Variants in PTPRJ observed in about 807,000 individuals in gnomAD.
PTPRJ encodes protein tyrosine phosphatase receptor type J.
PTPRJ carries 129 observed loss-of-function variants against 141.3 expected under a neutral mutation model. That is an observed-to-expected ratio of 0.91 (90% CI 0.79 to 1.06). The LOEUF is 1.06. PTPRJ is among the 50% of genes least tolerant of loss of function. The pLI is 0.00. For missense variants in PTPRJ, 1,601 were observed against 1,679.7 expected (o/e 0.95, Z 0.82); for synonymous variants, 610 against 640.5 (o/e 0.95, Z 0.72).
At chr11:48,159,410 A>G (rs1479293924) in intron 21 of PTPRJ, among the ~76,000 whole-genome samples, 1 of 152,020 alleles carries the variant, frequency 6.6e-6, no homozygotes, top group Non-Finnish European at 1.5e-5. Context: ...TGTGGTGGCT[A>G]CTCTAGGGGC....
intron 1 of PTPRJ, among the ~76,000 whole-genome samples, chr11:47,981,271 G>A (rs946767285): frequency 1.3e-5 from 2 of 152,294 alleles, no homozygotes; most frequent in East Asian, 3.9e-4. Context: ...AAGCCTCCGC[G>A]CGGGCTCCAG....
chr11:48,075,148 G>C (rs915254359), intron 1 of PTPRJ, among the ~76,000 whole-genome samples: 1 of 144,128 alleles, frequency 6.9e-6, no homozygotes, highest in Non-Finnish European at 1.5e-5. Context: ...TAGTTAGTTA[G>C]TTAGTTAGTT....
At chr11:48,066,553 C>CATA (rs1855086430) in intron 1 of PTPRJ, among the ~76,000 whole-genome samples, 3 of 117,152 alleles carry the variant, frequency 2.6e-5, no homozygotes, top group Non-Finnish European at 5.1e-5. Flanking sequence ...ATTATCCAGT[C>CATA]GTATTATTAT....
chr11:47,988,175 C>T (rs1048592030), intron 1 of PTPRJ, among the ~76,000 whole-genome samples: 4 of 152,026 alleles, frequency 2.6e-5, no homozygotes, highest in African/African-American at 4.8e-5. Context: ...AACATGGAGC[C>T]TATAACACAG....
intron 1 of PTPRJ, among the ~76,000 whole-genome samples, chr11:48,079,629 G>A (rs1414153869): frequency 1.3e-5 from 2 of 152,098 alleles, no homozygotes; most frequent in Non-Finnish European, 2.9e-5. Context: ...AGGTAGGAGG[G>A]CAGAGGAAGA....
chr11:48,153,656 C>G (rs1272139561), intron 18 of PTPRJ, 140 bp from the exon 19 acceptor site: 1 of 612,002 alleles, frequency 1.6e-6, no homozygotes, highest in African/African-American at 1.9e-5. Flanking sequence ...GCTTTAATAG[C>G]AGAAGGGTAA....
chr11:48,051,416 G>A (rs898930911), intron 1 of PTPRJ, among the ~76,000 whole-genome samples: 1 of 152,042 alleles, frequency 6.6e-6, no homozygotes, highest in Non-Finnish European at 1.5e-5. Context: ...TTTTTATTTA[G>A]AGGAAGTCAC....
intron 1 of PTPRJ, among the ~76,000 whole-genome samples, chr11:48,032,149 A>ACTCAGTT (rs1854001052): frequency 2.0e-5 from 3 of 152,052 alleles, no homozygotes; most frequent in Non-Finnish European, 2.9e-5. Flanking sequence ...GCAGAGGGTG[A>ACTCAGTT]CTCAGTTCTC....
chr11:48,154,936 T>C (rs55917880), intron 19 of PTPRJ, among the ~76,000 whole-genome samples: 5,123 of 152,208 alleles, frequency 0.034, 131 homozygotes, highest in Non-Finnish European at 0.052. Context: ...TTGGGAAGCC[T>C]TTAGGCTGAG....
intron 2 of PTPRJ, among the ~76,000 whole-genome samples, chr11:48,111,179 C>T (rs12797652): frequency 0.15 from 22,193 of 148,604 alleles, 1,711 homozygotes; most frequent in East Asian, 0.28. Flanking sequence ...ACTTGGGAGG[C>T]TGAGGCAGGA....
chr11:48,168,407 T>G lies in PTPRJ; in HGVS notation c.*1045T>G. ...ATGTGTCTGTGTCTGTATGTGTGTG[T>G]GTATGTTCAGAAGCGTGGCAATCTG... On this transcript the variant is annotated 3_prime_UTR_variant, in exon 25 of 25. Coordinates refer to ENST00000418331, the MANE Select transcript of PTPRJ (RefSeq NM_002843.4). 1 of 151,268 alleles carries G rather than the reference T, an allele frequency of 6.6e-6. No homozygotes were observed. Among genetic ancestry groups the G allele is most frequent in the Admixed American group, 6.6e-5 (1 of 15,142 alleles). 9.4% of individuals were successfully genotyped at this position (151,268 alleles called of 1,614,324 possible). A position where few individuals can be genotyped will look rare whatever the true frequency, so the allele number is the denominator to read the frequency against.
rs965914450 is a variant in PTPRJ at position 48,168,510 on chromosome 11, G to A, written c.*1148G>A. ...CCACTGGCTTTCGTCTCTCTCTGCC[G>A]TGACACATATCGGAATCTACTGTGT... is the stretch of plus-strand genomic sequence containing the variant. On this transcript the variant is annotated 3_prime_UTR_variant, in exon 25 of 25. Transcript: ENST00000418331. 3 of 117,288 alleles carry A rather than the reference G, an allele frequency of 2.6e-5. No individual in the cohort carries two copies. The highest frequency in any genetic ancestry group is 6.8e-5 in the African/African-American group (2 of 29,402). 7.3% of individuals were successfully genotyped at this position (117,288 alleles called of 1,614,324 possible).
chr11:48,077,517 A>G (rs909855125), intron 1 of PTPRJ, among the ~76,000 whole-genome samples: 37 of 152,212 alleles, frequency 2.4e-4, no homozygotes, highest in African/African-American at 8.4e-4. Flanking sequence ...TCGTCCCAGG[A>G]CATATTTCCT....
At chr11:48,007,935 A>G (rs1008153174) in intron 1 of PTPRJ, among the ~76,000 whole-genome samples, 1 of 152,198 alleles carries the variant, frequency 6.6e-6, no homozygotes, top group South Asian at 2.1e-4. Flanking sequence ...AGCTAATATC[A>G]CTGTGAGCCC....
chr11:48,103,835 A>G (rs1856219232), intron 1 of PTPRJ, among the ~76,000 whole-genome samples: 1 of 152,220 alleles, frequency 6.6e-6, no homozygotes, highest in Non-Finnish European at 1.5e-5. Flanking sequence ...AAGTCCACAC[A>G]GCCTCACCAA....
chr11:48,027,653 A>G (rs2134220212), intron 1 of PTPRJ, among the ~76,000 whole-genome samples: 1 of 151,938 alleles, frequency 6.6e-6, no homozygotes, highest in South Asian at 2.1e-4. Flanking sequence ...TTAGCTGGGC[A>G]TGGTGGCACA....
chr11:48,106,669 G>A (rs1307116439), intron 1 of PTPRJ, among the ~76,000 whole-genome samples: 1 of 151,996 alleles, frequency 6.6e-6, no homozygotes, highest in Non-Finnish European at 1.5e-5. Flanking sequence ...AGAGGAGTTG[G>A]GGAAAATTTT....
chr11:48,032,873 A>G (rs1854020148), intron 1 of PTPRJ, among the ~76,000 whole-genome samples: 1 of 152,154 alleles, frequency 6.6e-6, no homozygotes, highest in African/African-American at 2.4e-5. Flanking sequence ...AAACAGACCA[A>G]GTTCCCTGTT....
At chr11:48,088,190 C>G (rs1855767308) in intron 1 of PTPRJ, among the ~76,000 whole-genome samples, 1 of 152,196 alleles carries the variant, frequency 6.6e-6, no homozygotes, top group Non-Finnish European at 1.5e-5. Flanking sequence ...GATGACATGT[C>G]CCCTTCTTGG....
Sources: allele counts gnomAD v4.1 joint callset (sites outside exome capture counted in the v4.1 genomes callset), GRCh38; gene constraint gnomAD v4.1.1; transcripts MANE v1.5; gene names NCBI Gene and HGNC (gene_info 2026-07-23, HGNC 2026-07-21).